Variants in OSBPL1A observed in about 807,000 individuals in gnomAD.
OSBPL1A encodes the protein oxysterol-binding protein-related protein 1.
OSBPL1A carries 80 observed loss-of-function variants against 137.1 expected under a neutral mutation model. That is an observed-to-expected ratio of 0.58 (90% CI 0.49 to 0.70). The LOEUF (loss-of-function observed/expected upper bound fraction) is 0.70. OSBPL1A is among the 30% of genes least tolerant of loss of function. The pLI, the probability that OSBPL1A is intolerant of heterozygous loss-of-function variation, is 0.00. For missense variants in OSBPL1A, 970 were observed against 1,129.4 expected, an observed-to-expected ratio of 0.86 and a Z score of 2.02; for synonymous variants, 365 against 389.7, an observed-to-expected ratio of 0.94 and a Z score of 0.75.
At chr18:24,288,764 C>A (rs79728325) in intron 14 of OSBPL1A, among the ~76,000 whole-genome samples, 503 of 126,702 alleles carry the variant, frequency 4.0e-3, no homozygotes, top group East Asian at 5.8e-3. Flanking sequence ...AAGACTGTCT[C>A]AAAAAAAAAA....
At chr18:24,210,958 CT>C (rs57835662) in intron 17 of OSBPL1A, among the ~76,000 whole-genome samples, 150,356 of 150,744 alleles carry the variant, frequency 1, 74,984 homozygotes, top group Admixed American at 1. Context: ...ACCCAAATAA[CT>C]TTTTTTTTTT....
intron 16 of OSBPL1A, among the ~76,000 whole-genome samples, chr18:24,233,371 T>G: frequency 6.6e-6 from 1 of 152,092 alleles, no homozygotes; most frequent in South Asian, 2.1e-4. Flanking sequence ...TACTATCTCA[T>G]CCCTCCTTCC....
At chr18:24,169,001 C>T (rs538194389) in intron 24 of OSBPL1A, among the ~76,000 whole-genome samples, 24 of 152,326 alleles carry the variant, frequency 1.6e-4, no homozygotes, top group African/African-American at 5.1e-4. Context: ...CAGGAGCTGC[C>T]GCCAAGGAGT....
At chr18:24,225,247 C>T (rs754908446) in intron 16 of OSBPL1A, 49 bp from the exon 17 acceptor site, 3 of 1,601,238 alleles carry the variant, frequency 1.9e-6, no homozygotes, top group Non-Finnish European at 2.6e-6. Flanking sequence ...GGGTGTGAGG[C>T]TTCCGTAACA....
intron 4 of OSBPL1A, among the ~76,000 whole-genome samples, chr18:24,346,766 G>T (rs969315140): frequency 2.6e-5 from 4 of 152,286 alleles, no homozygotes; most frequent in Middle Eastern, 3.4e-3. Context: ...GGTAGAGACA[G>T]GGTTTCACTC....
intron 4 of OSBPL1A, among the ~76,000 whole-genome samples, chr18:24,354,748 C>CAAAA (rs59694707): frequency 0.019 from 1,425 of 75,966 alleles, no homozygotes; most frequent in Non-Finnish European, 0.024. Flanking sequence ...CTCAATATAG[C>CAAAA]AAAAAAAAAA....
intron 17 of OSBPL1A, among the ~76,000 whole-genome samples, chr18:24,198,918 T>G (rs2087126129): frequency 6.6e-6 from 1 of 150,560 alleles, no homozygotes; most frequent in East Asian, 2.0e-4. Context: ...AGTGCAGTGG[T>G]ATGATCTCGA....
At position 24,312,035 on chromosome 18, in the gene OSBPL1A, A is replaced by C. The variant is rs749264762; in HGVS notation, c.1041T>G (p.Asp347Glu). The C allele has an allele frequency of 6.2e-7, 1 of 1,613,984 alleles. No homozygotes were observed. Among genetic ancestry groups the C allele is most frequent in the Admixed American group, 1.7e-5 (1 of 60,010 alleles). The change falls in exon 13 of 28, where the codon GAT becomes GAG. Residue 347 changes from aspartate to glutamate, a missense_variant. This residue lies in a region of OSBPL1A where 647 missense variants were observed against 672.6 expected (regional missense o/e 0.96). Coordinates refer to ENST00000319481, the MANE Select transcript of OSBPL1A (RefSeq NM_080597.4). ...CAGAAACCGTATCTTCCTCCTCCTCATCAGTCAGCTGGTCCTGGGAACAGT... is the reference window on the plus strand; with the variant it reads ...CAGAAACCGTATCTTCCTCCTCCTCCTCAGTCAGCTGGTCCTGGGAACAGT... ...THYCSQDQLT[D>E]EEEEDTVSAA...
chr18:24,326,735 T>C (rs1441982723), intron 7 of OSBPL1A, among the ~76,000 whole-genome samples: 1 of 152,246 alleles, frequency 6.6e-6, no homozygotes, highest in Non-Finnish European at 1.5e-5. Context: ...TGTATTCGTC[T>C]GTGAGTAATG....
At chr18:24,275,835 C>G (rs1331797660) in intron 15 of OSBPL1A, among the ~76,000 whole-genome samples, 2 of 151,694 alleles carry the variant, frequency 1.3e-5, no homozygotes, top group East Asian at 3.9e-4. Context: ...TCAAGCGATT[C>G]TCCTGCCTCA....
chr18:24,329,376 C>T (rs1226798777), intron 7 of OSBPL1A, among the ~76,000 whole-genome samples: 1 of 151,960 alleles, frequency 6.6e-6, no homozygotes, highest in Non-Finnish European at 1.5e-5. Flanking sequence ...ATGGCAAAAC[C>T]CCATCTCTAC....
rs543837916 is a variant in OSBPL1A, at chr18:24,328,365, C to T, written c.625+4577G>A. Among the ~76,000 whole-genome samples, 19 of 151,304 alleles carry T rather than the reference C, an allele frequency of 1.3e-4. No individual in the cohort carries two copies. The East Asian group carries it at 2.9e-3, about 23-fold the overall frequency. On this transcript the variant is annotated intron_variant, in intron 7 of 27. Coordinates refer to ENST00000319481, the MANE Select transcript of OSBPL1A (RefSeq NM_080597.4). ...GTGAGTCACTGCACCTGGCCAAAAT[C>T]TCACTTTGACATCAATATTTGCTTT... is the stretch of plus-strand genomic sequence containing the variant.
chr18:24,320,906 G>A (rs1270717623), intron 7 of OSBPL1A, among the ~76,000 whole-genome samples: 1 of 151,654 alleles, frequency 6.6e-6, no homozygotes, highest in African/African-American at 2.4e-5. Context: ...GCAGGCACCT[G>A]TAATCCCAGC....
chr18:24,349,602 C>T (rs540017092), intron 4 of OSBPL1A, among the ~76,000 whole-genome samples: 31 of 152,134 alleles, frequency 2.0e-4, no homozygotes, highest in African/African-American at 7.5e-4. Flanking sequence ...GAAGTGAGCC[C>T]TCAAAAGGGG....
chr18:24,320,842 A>G (rs1034416282), intron 7 of OSBPL1A, among the ~76,000 whole-genome samples: 2 of 152,054 alleles, frequency 1.3e-5, no homozygotes, highest in Admixed American at 1.3e-4. Flanking sequence ...AGCCTGGCCA[A>G]CATGGTGAAA....
At chr18:24,390,313 A>G (rs931211398) in intron 1 of OSBPL1A, among the ~76,000 whole-genome samples, 3 of 152,258 alleles carry the variant, frequency 2.0e-5, no homozygotes, top group Admixed American at 1.3e-4. Flanking sequence ...TTGTATTCCC[A>G]TGTTCATAGG....
intron 16 of OSBPL1A, among the ~76,000 whole-genome samples, chr18:24,236,706 T>C (rs1786124): frequency 1 from 152,164 of 152,312 alleles, 76,008 homozygotes; most frequent in Middle Eastern, 1. Flanking sequence ...CTGATGAGCC[T>C]AGGCGTTTGG....
chr18:24,392,696 T>C lies in OSBPL1A; in HGVS notation c.-3+4959A>G, dbSNP rs541137222. 3.9e-5 allele frequency among the ~76,000 whole-genome samples: 6 copies of C among 152,308 alleles called. No homozygotes were observed. The South Asian group carries it at 1.2e-3, about 32-fold the overall frequency. On this transcript the variant is annotated intron_variant, in intron 1 of 27. Transcript: ENST00000319481. Reference sequence around the variant, plus strand: ...GCTTAGCCCTGCGCTCCAAAGTAGTTAGCTGCTTTTTTGAAACAGGGTCTC... The same window carrying C: ...GCTTAGCCCTGCGCTCCAAAGTAGTCAGCTGCTTTTTTGAAACAGGGTCTC...
At chr18:24,351,156 T>A (rs1014876981) in intron 4 of OSBPL1A, among the ~76,000 whole-genome samples, 4 of 151,800 alleles carry the variant, frequency 2.6e-5, no homozygotes, top group African/African-American at 9.7e-5. Flanking sequence ...GAGACCAGCC[T>A]GGCCAACATG....
Sources: gnomAD v4.1 joint callset for allele counts (sites outside exome capture counted in the v4.1 genomes callset) on GRCh38, gnomAD v4.1.1 for gene constraint, gnomAD v4.1.1 regional missense constraint, MANE v1.5 for transcripts, NCBI Gene and HGNC (gene_info 2026-07-23, HGNC 2026-07-21) for gene names.